The following SASS6 variants were observed in gnomAD, a reference collection of about 807,000 sequenced individuals.
The protein encoded by SASS6 is SAS-6 centriolar assembly protein.
SASS6 carries 59 observed loss-of-function variants against 94.9 expected under a neutral mutation model. That is an observed-to-expected ratio of 0.62 (90% CI 0.50 to 0.77). SASS6 has a LOEUF of 0.77. SASS6 is among the 30% of genes least tolerant of loss of function. The pLI, the probability that SASS6 is intolerant of heterozygous loss-of-function variation, is 0.00. For synonymous variants in SASS6, 264 were observed against 270.0 expected (o/e 0.98, Z 0.22); for missense variants, 698 against 734.1 (o/e 0.95, Z 0.57).
chr1:100,102,896 T>C, intron 14 of SASS6, 59 bp downstream of exon 14: 1 of 1,307,368 alleles, frequency 7.6e-7, no homozygotes, highest in Non-Finnish European at 1.1e-6. Flanking sequence ...TGTGAAATGT[T>C]TGTATGCTAA....
chr1:100,095,348 G>A (rs1203698324), intron 14 of SASS6, among the ~76,000 whole-genome samples: 1 of 152,078 alleles, frequency 6.6e-6, no homozygotes, highest in Non-Finnish European at 1.5e-5. Context: ...TGGGCAACAT[G>A]GCAAAACCCT....
At chr1:100,112,922 A>G (rs142415055) in intron 7 of SASS6, among the ~76,000 whole-genome samples, 3 of 152,308 alleles carry the variant, frequency 2.0e-5, no homozygotes, top group Non-Finnish European at 2.9e-5. Flanking sequence ...CACGCACACT[A>G]AAGTTTTACA....
At chr1:100,109,752 C>A (rs1653163376) in intron 8 of SASS6, among the ~76,000 whole-genome samples, 1 of 152,016 alleles carries the variant, frequency 6.6e-6, no homozygotes, top group Non-Finnish European at 1.5e-5. Flanking sequence ...GCCTTAGTTT[C>A]ATCATCTGTA....
Position 100,084,581 on chromosome 1 carries a change from T to C in SASS6, c.*747A>G, listed in dbSNP as rs1398423334. The C allele has an allele frequency of 2.0e-5, 3 of 152,128 alleles. No individual in the cohort carries two copies. The highest frequency in any genetic ancestry group is 4.4e-5 in the Non-Finnish European group (3 of 67,950). The allele number at this position is 152,128 out of a possible 1,614,324, so 9.4% of individuals were successfully genotyped here. ...GTACCAAGTTTTAAAAGTCCACTGA[T>C]ACAGATTTAACTGCATAATAAAACT... On this transcript the variant is annotated 3_prime_UTR_variant, in exon 17 of 17. Transcript: ENST00000287482.
chr1:100,116,258 A>T (rs1653795175), intron 7 of SASS6, among the ~76,000 whole-genome samples: 1 of 152,164 alleles, frequency 6.6e-6, no homozygotes, highest in Non-Finnish European at 1.5e-5. Context: ...CTGACAAAGG[A>T]CTCATGTCTA....
intron 13 of SASS6, among the ~76,000 whole-genome samples, chr1:100,104,099 G>A (rs192631555): frequency 4.4e-4 from 67 of 152,290 alleles, no homozygotes; most frequent in Admixed American, 4.6e-4. Context: ...ATGTATGACT[G>A]GGTATCTGAA....
At chr1:100,104,857 G>A (rs927583719) in intron 13 of SASS6, among the ~76,000 whole-genome samples, 2 of 151,834 alleles carry the variant, frequency 1.3e-5, no homozygotes, top group Admixed American at 6.5e-5. Flanking sequence ...AGAGGCCGAG[G>A]TGGGAGGATT....
intron 8 of SASS6, among the ~76,000 whole-genome samples, chr1:100,109,342 C>T (rs979112981): frequency 6.6e-6 from 1 of 152,026 alleles, no homozygotes; most frequent in Non-Finnish European, 1.5e-5. Context: ...ACACTGGTAA[C>T]TTTGGTATTT....
Position 100,107,537 on chromosome 1 carries a change from T to G in SASS6, c.1163A>C (p.Lys388Thr). The G allele has an allele frequency of 5.6e-6, 9 of 1,599,976 alleles. No individual in the cohort carries two copies. The Admixed American group carries it at 1.5e-4, about 27-fold the overall frequency. ...AELLKANEII[K>T]KLQGDLKTLM... ...AGTTTTCAGATCCCCTTGTAACTTC[T>G]TGATAATTTCATTTGCCTATAAAAG... Residue 388 changes from lysine to threonine, a missense_variant, in exon 11 of 17, where the codon AAG (lysine) becomes ACG (threonine). Transcript: ENST00000287482.
chr1:100,087,280 G>C (rs1009212159), intron 15 of SASS6, among the ~76,000 whole-genome samples: 2 of 152,200 alleles, frequency 1.3e-5, no homozygotes, highest in African/African-American at 4.8e-5. Context: ...ACTGTGACCA[G>C]CCACAAACAT....
rs141027763 is a variant in SASS6, at chr1:100,093,453, G to C, written c.1675-5217C>G. Among the ~76,000 whole-genome samples the C allele has an allele frequency of 8.4e-3, 1,271 of 152,206 alleles. 11 individuals carry two copies. Among genetic ancestry groups the C allele is most frequent in the Non-Finnish European group, 0.013 (902 of 67,980 alleles). ...TAGGACGTAGTCTATCTTGGTTAGT[G>C]TTCCATGTGTACTTGAAAAGAATAG... On this transcript the variant is annotated intron_variant, in intron 14 of 16. Coordinates refer to ENST00000287482, the MANE Select transcript of SASS6 (RefSeq NM_194292.3).
At chr1:100,118,536 G>A (rs1010491815) in intron 7 of SASS6, among the ~76,000 whole-genome samples, 23 of 151,938 alleles carry the variant, frequency 1.5e-4, no homozygotes, top group African/African-American at 4.4e-4. Flanking sequence ...CCAAAACTTC[G>A]AAGCATTTAA....
chr1:100,085,469 C>T lies in SASS6; in HGVS notation c.1868-35G>A, dbSNP rs372123484. 3.2e-6 allele frequency: 5 copies of T among 1,560,570 alleles called. No individual in the cohort carries two copies. In the East Asian group the frequency reaches 6.7e-5, roughly 21 times the overall value. On this transcript the variant is annotated intron_variant, in intron 16 of 16. Transcript: ENST00000287482. ...AGGACAAAAAAAGGTTACTGGTATTCATTAAGTCTTCATACATTAAATTTA... is the reference window on the plus strand; with the variant it reads ...AGGACAAAAAAAGGTTACTGGTATTTATTAAGTCTTCATACATTAAATTTA...
chr1:100,131,516 T>A (rs576085693), intron 1 of SASS6, among the ~76,000 whole-genome samples: 1 of 152,302 alleles, frequency 6.6e-6, no homozygotes, highest in East Asian at 1.9e-4. Flanking sequence ...TCATAGTAAG[T>A]CTTAAAAATC....
chr1:100,123,533 G>T (rs1400748874), intron 2 of SASS6, among the ~76,000 whole-genome samples: 1 of 152,222 alleles, frequency 6.6e-6, no homozygotes, highest in Non-Finnish European at 1.5e-5. Flanking sequence ...GCTAGGAGTT[G>T]AAAGTTTAGG....
chr1:100,121,257 G>A (rs1225526204), intron 5 of SASS6, 121 bp downstream of exon 5: 17 of 595,122 alleles, frequency 2.9e-5, no homozygotes, highest in East Asian at 2.5e-4. Flanking sequence ...AAATAAATTC[G>A]TTATATTTCA....
chr1:100,118,880 AAG>A, intron 7 of SASS6, 136 bp downstream of exon 7: 5 of 471,144 alleles, frequency 1.1e-5, no homozygotes, highest in Admixed American at 4.2e-5. Flanking sequence ...AAGACTTTGA[AAG>A]AGAGGATTTT....
chr1:100,112,180 T>C (rs752238561), intron 7 of SASS6, among the ~76,000 whole-genome samples: 5 of 152,088 alleles, frequency 3.3e-5, no homozygotes, highest in Non-Finnish European at 5.9e-5. Context: ...GGAAGCAATA[T>C]TTTTCAAATG....
chr1:100,110,421 T>C lies in SASS6; in HGVS notation c.732A>G (p.Gln244=), dbSNP rs745392052. ...TGTTTTGTAGCTGGTGGATGTTTTG[T>C]TGATGGAGGATTTCTAAATCTTTTT... ...QQKKDLEILH[Q]QNIHQLQNRL... Residue 244 remains glutamine (Q), a synonymous_variant, in exon 8 of 17, where the codon CAA becomes CAG. Coordinates refer to ENST00000287482, the MANE Select transcript of SASS6 (RefSeq NM_194292.3). The C allele has an allele frequency of 3.7e-6, 6 of 1,611,922 alleles. No homozygotes were observed. The highest frequency in any genetic ancestry group is 1.1e-5 in the South Asian group (1 of 90,938).
Sources: gnomAD v4.1 joint callset for allele counts (sites outside exome capture counted in the v4.1 genomes callset) on GRCh38, gnomAD v4.1.1 for gene constraint, MANE v1.5 for transcripts, NCBI Gene and HGNC (gene_info 2026-07-23, HGNC 2026-07-21) for gene names.